Variants in SLC13A3 observed in about 807,000 individuals in gnomAD.
The protein encoded by SLC13A3 is solute carrier family 13 member 3.
SLC13A3 carries 40 observed loss-of-function variants against 59.0 expected under a neutral mutation model. The observed-to-expected ratio is 0.68, with a 90% CI of 0.53 to 0.88. SLC13A3 has a LOEUF of 0.88. Ranked by LOEUF, SLC13A3 falls within the 40% of genes least tolerant of loss-of-function variation. The pLI is 0.00. For missense variants in SLC13A3, 699 were observed against 783.2 expected (o/e 0.89, Z 1.28); for synonymous variants, 317 against 330.3 (o/e 0.96, Z 0.44).
At chr20:46,652,474 A>C (rs772364583), upstream of SLC13A3, among the ~76,000 whole-genome samples, 5 of 151,506 alleles carry the variant, frequency 3.3e-5, no homozygotes, top group Non-Finnish European at 7.4e-5. Context: ...GATCACTGCA[A>C]CCTCTGCCTC....
chr20:46,655,590 T>C (rs1600621592), upstream of SLC13A3, among the ~76,000 whole-genome samples: 3 of 147,762 alleles, frequency 2.0e-5, no homozygotes, highest in East Asian at 5.9e-4. Flanking sequence ...ATTGTATGGA[T>C]ATACCATATC....
intron 4 of SLC13A3, among the ~76,000 whole-genome samples, chr20:46,597,867 G>C (rs2062330912): frequency 6.6e-6 from 1 of 152,162 alleles, no homozygotes; most frequent in Admixed American, 6.5e-5. Context: ...TTTGACATAT[G>C]CAATTGTAAA....
At chr20:46,656,321 TATATG>T (rs1265834246), upstream of SLC13A3, among the ~76,000 whole-genome samples, 1 of 124,808 alleles carries the variant, frequency 8.0e-6, no homozygotes, top group Non-Finnish European at 1.7e-5. Flanking sequence ...TATTATACTG[TATATG>T]ATATACTATA....
intron 10 of SLC13A3, 197 bp from the exon 11 acceptor site, chr20:46,566,587 C>G (rs1000973085): frequency 7.7e-6 from 4 of 522,872 alleles, no homozygotes; most frequent in Non-Finnish European, 1.3e-5. Context: ...AGCCTCTCTA[C>G]TTCTCGAACT....
intron 12 of SLC13A3, among the ~76,000 whole-genome samples, chr20:46,561,739 G>T (rs1273860607): frequency 6.6e-6 from 1 of 151,462 alleles, no homozygotes; most frequent in Non-Finnish European, 1.5e-5. Flanking sequence ...GACATACTGC[G>T]TGTGCTGTCC....
intron 3 of SLC13A3, among the ~76,000 whole-genome samples, chr20:46,601,018 C>G (rs1229613842): frequency 6.6e-6 from 1 of 151,882 alleles, no homozygotes; most frequent in Non-Finnish European, 1.5e-5. Flanking sequence ...GAAACAGGAA[C>G]AGCAAGTGCA....
upstream of SLC13A3, among the ~76,000 whole-genome samples, chr20:46,671,895 C>T (rs2063094585): frequency 6.6e-6 from 1 of 152,326 alleles, no homozygotes; most frequent in Non-Finnish European, 1.5e-5. Context: ...GGCAGCAAGT[C>T]CCAGTTTGAA....
chr20:46,616,046 A>T (rs576035557), intron 1 of SLC13A3, among the ~76,000 whole-genome samples: 6 of 152,324 alleles, frequency 3.9e-5, no homozygotes, highest in African/African-American at 1.4e-4. Context: ...AGGTTATTGG[A>T]CACACACACT....
chr20:46,572,463 C>T (rs1228175395), intron 10 of SLC13A3, among the ~76,000 whole-genome samples: 1 of 152,116 alleles, frequency 6.6e-6, no homozygotes, highest in Non-Finnish European at 1.5e-5. Context: ...GCAGCCCAGC[C>T]TCCACTGAGA....
chr20:46,563,371 C>T (rs1385033285), intron 12 of SLC13A3, 43 bp downstream of exon 12: 1 of 1,594,856 alleles, frequency 6.3e-7, no homozygotes, highest in Non-Finnish European at 8.5e-7. Flanking sequence ...CCTTGCGGCC[C>T]ACCCACATCC....
chr20:46,637,562 G>A (rs1321195293), intron 1 of SLC13A3, among the ~76,000 whole-genome samples: 2 of 152,126 alleles, frequency 1.3e-5, no homozygotes, highest in Non-Finnish European at 2.9e-5. Flanking sequence ...CCAGACCCCA[G>A]GGCCAAGAGG....
chr20:46,609,502 C>T (rs2088096997), intron 3 of SLC13A3, among the ~76,000 whole-genome samples: 1 of 152,174 alleles, frequency 6.6e-6, no homozygotes, highest in African/African-American at 2.4e-5. Context: ...TTTCTCTCCC[C>T]ATTTCCCACT....
Position 46,596,279 on chromosome 20 carries a change from ATCC to A in SLC13A3, c.669_671del (p.Glu223del). ...CCTTCCAGATGTTCCGACGATATTCATCCTCCTTCCTGGAGTCAGCCGGCAGAT... is the reference window on the plus strand; with the variant it reads ...CCTTCCAGATGTTCCGACGATATTCATCCTTCCTGGAGTCAGCCGGCAGAT... On this transcript the variant is annotated inframe_deletion, in exon 5 of 13. Transcript: ENST00000279027. 1 of 1,614,142 alleles carries A rather than the reference ATCC, an allele frequency of 6.2e-7. No homozygotes were observed. The highest frequency in any genetic ancestry group is 1.1e-5 in the South Asian group (1 of 91,078).
intron 3 of SLC13A3, among the ~76,000 whole-genome samples, chr20:46,607,013 C>T (rs1172542369): frequency 6.6e-6 from 1 of 152,230 alleles, no homozygotes; most frequent in African/African-American, 2.4e-5. Context: ...CCACCCTGCC[C>T]TAGGTTCTGC....
intron 6 of SLC13A3, 69 bp from the exon 7 acceptor site, chr20:46,589,324 A>C (rs1600525764): frequency 1.1e-5 from 14 of 1,320,558 alleles, no homozygotes; most frequent in East Asian, 9.3e-5. Flanking sequence ...TACAACAAGC[A>C]CCACCACCTG....
At chr20:46,617,865 A>AAC (rs1240460660) in intron 1 of SLC13A3, among the ~76,000 whole-genome samples, 1 of 152,076 alleles carries the variant, frequency 6.6e-6, no homozygotes, top group African/African-American at 2.4e-5. Context: ...AAAATATACA[A>AAC]TTACTTTCTA....
chr20:46,559,899 C>G lies in SLC13A3; in HGVS notation c.*123G>C, dbSNP rs2061916293. Reference sequence around the variant, plus strand: ...ACTTGAGTGGGCCACTGGAGGTCACCCTTGCTTGCTGCATATTGGATTACA... The same window carrying G: ...ACTTGAGTGGGCCACTGGAGGTCACGCTTGCTTGCTGCATATTGGATTACA... On this transcript the variant is annotated 3_prime_UTR_variant, in exon 13 of 13. Coordinates refer to ENST00000279027, the MANE Select transcript of SLC13A3 (RefSeq NM_022829.6). The G allele has an allele frequency of 1.0e-6, 1 of 982,946 alleles. No homozygotes were observed. Among genetic ancestry groups the G allele is most frequent in the South Asian group, 1.7e-5 (1 of 59,120 alleles). The allele number at this position is 982,946 out of a possible 1,614,324, so 60.9% of individuals were successfully genotyped here. A position where few individuals can be genotyped will look rare whatever the true frequency, so the allele number is the denominator to read the frequency against.
intron 11 of SLC13A3, 150 bp from the exon 12 acceptor site, chr20:46,563,701 T>G (rs1600490830): frequency 1.2e-6 from 1 of 821,030 alleles, no homozygotes; most frequent in Admixed American, 3.1e-5. Context: ...ATTGGCAGAG[T>G]GGCAGAGAAC....
intron 1 of SLC13A3, chr20:46,613,955 C>T: frequency 2.2e-6 from 1 of 464,028 alleles, no homozygotes; most frequent in East Asian, 3.4e-5. Context: ...TCATTTTGCT[C>T]AATTATAAAA....
Sources: gnomAD v4.1 joint callset for allele counts (sites outside exome capture counted in the v4.1 genomes callset) on GRCh38, gnomAD v4.1.1 for gene constraint, MANE v1.5 for transcripts, NCBI Gene and HGNC (gene_info 2026-07-23, HGNC 2026-07-21) for gene names.